KLHL5: variants seen among roughly 807,000 people sequenced by gnomAD.
The protein encoded by KLHL5 is kelch-like protein 5.
KLHL5 carries 48 observed loss-of-function variants against 77.7 expected under a neutral mutation model. The observed-to-expected ratio is 0.62, with a 90% CI of 0.49 to 0.79. The LOEUF (loss-of-function observed/expected upper bound fraction) is 0.79. Among genes scored for constraint, KLHL5 ranks in the 30% least tolerant of loss-of-function variants. KLHL5 has a pLI of 0.00. For synonymous variants in KLHL5, 260 were observed against 297.0 expected, an observed-to-expected ratio of 0.88 and a Z score of 1.28; for missense variants, 723 against 859.7, an observed-to-expected ratio of 0.84 and a Z score of 1.99.
Position 39,115,464 on chromosome 4 carries a change from G to A in KLHL5, c.2073+134G>A, listed in dbSNP as rs541876215. 169 of 1,523,896 alleles carry A rather than the reference G, an allele frequency of 1.1e-4. 1 individual carries two copies. The highest frequency in any genetic ancestry group is 2.1e-4 in the African/African-American group (15 of 71,616). 94.4% of individuals were successfully genotyped at this position (1,523,896 alleles called of 1,614,324 possible). On this transcript the variant is annotated intron_variant, in intron 10 of 10. Coordinates refer to ENST00000504108, the MANE Select transcript of KLHL5 (RefSeq NM_015990.5). ...ATATGACAATCACGTTTTGATTAGC[G>A]ATGAGAAAAAGAGGCAATGTTTAAT...
intron 4 of KLHL5, among the ~76,000 whole-genome samples, chr4:39,086,052 G>A (rs1435089856): frequency 6.6e-6 from 1 of 152,096 alleles, no homozygotes; most frequent in Admixed American, 6.6e-5. Context: ...CACTCTGGAG[G>A]CCATTTCTTA....
At chr4:39,102,860 C>T (rs1014961420) in intron 6 of KLHL5, among the ~76,000 whole-genome samples, 2 of 152,238 alleles carry the variant, frequency 1.3e-5, no homozygotes, top group Non-Finnish European at 2.9e-5. Context: ...GAACCTCCCC[C>T]TGAAGTCATC....
At chr4:39,097,766 G>T (rs1721193814) in intron 6 of KLHL5, among the ~76,000 whole-genome samples, 1 of 152,176 alleles carries the variant, frequency 6.6e-6, no homozygotes. Flanking sequence ...TTCTTTTGCT[G>T]TAAAGGACGT....
the KLHL5 span, among the ~76,000 whole-genome samples, chr4:39,133,520 GC>G: frequency 2.8e-4 from 43 of 150,978 alleles, no homozygotes; most frequent in Admixed American, 2.4e-3. Context: ...ATTGCTTGAG[GC>G]CAGGAGTTCA....
intron 1 of KLHL5, chr4:39,063,543 T>A (rs1337218130): frequency 2.3e-6 from 1 of 434,454 alleles, no homozygotes; most frequent in Non-Finnish European, 4.7e-6. Flanking sequence ...TTCTTATGGT[T>A]ATTTCTCTTT....
Position 39,056,273 on chromosome 4 carries a change from G to A in KLHL5, c.-94-6286G>A, listed in dbSNP as rs116341604. On this transcript the variant is annotated intron_variant, in intron 1 of 11. Transcript: ENST00000261425. ...GAATAGCTGGAACTACACTGCATCC[G>A]ACTAATTTTTGTATTTTTGTAGAGA... Among the ~76,000 whole-genome samples, 614 of 152,194 alleles carry A rather than the reference G, an allele frequency of 4.0e-3. 4 individuals carry two copies. The highest frequency in any genetic ancestry group is 0.014 in the African/African-American group (584 of 41,534).
At chr4:39,096,268 G>T (rs1197662666) in intron 5 of KLHL5, among the ~76,000 whole-genome samples, 1 of 152,076 alleles carries the variant, frequency 6.6e-6, no homozygotes, top group Non-Finnish European at 1.5e-5. Flanking sequence ...GCAGTTGTGA[G>T]CTGAACATCA....
Position 39,062,659 on chromosome 4 carries a change from G to A in KLHL5, c.7G>A (p.Gly3Ser), listed in dbSNP as rs1489725438. 1.9e-6 allele frequency: 3 copies of A among 1,614,008 alleles called. No homozygotes were observed. In the African/African-American group the frequency reaches 4.0e-5, roughly 22 times the overall value. MS[G>S]SRKEFDVKQI... The stretch of plus-strand genomic sequence containing the variant: ...TCACTTGGTTTCTCTGAGGATGTCT[G>A]GTTCTCGTAAAGAGTTTGATGTGAA... The change falls in exon 1 of 11, where the codon GGT becomes AGT. Residue 3 changes from glycine to serine, a missense_variant. Gly to Ser is a moderately conservative substitution (Grantham distance 56). Around this residue, in one of 3 missense-constraint regions of KLHL5, gnomAD observed 221 missense variants for 222.1 expected, o/e 1.00. Transcript: ENST00000504108.
chr4:39,104,262 C>T (rs1465260272), intron 7 of KLHL5, among the ~76,000 whole-genome samples: 1 of 152,070 alleles, frequency 6.6e-6, no homozygotes, highest in East Asian at 1.9e-4. Context: ...GGCAAAGACA[C>T]AGAGAAGGAG....
intron 1 of KLHL5, among the ~76,000 whole-genome samples, chr4:39,069,277 C>A (rs1718183904): frequency 6.6e-6 from 1 of 151,804 alleles, no homozygotes; most frequent in Non-Finnish European, 1.5e-5. Flanking sequence ...CCCTAGGTAG[C>A]CATGTCTCCA....
chr4:39,080,753 A>C (rs570524565), intron 2 of KLHL5, among the ~76,000 whole-genome samples: 1 of 152,114 alleles, frequency 6.6e-6, no homozygotes, highest in Non-Finnish European at 1.5e-5. Context: ...CTATAATTAA[A>C]TTTTTTTAAA....
In KLHL5 at chr4:39,081,847, G is replaced by A. The variant is rs1719645784; in HGVS notation, c.704-116G>A. On this transcript the variant is annotated intron_variant, in intron 3 of 10. Coordinates refer to ENST00000504108, the MANE Select transcript of KLHL5 (RefSeq NM_015990.5). The surrounding 1 kb of genome is among the most constrained non-coding windows in gnomAD (Gnocchi z 4.3). ...TTTTTGGGATGTCTTAAACCATGTAGGTCTGTAATGCATGTAATGAGCTCT... is the reference window on the plus strand; with the variant it reads ...TTTTTGGGATGTCTTAAACCATGTAAGTCTGTAATGCATGTAATGAGCTCT... 3.0e-6 allele frequency: 2 copies of A among 665,712 alleles called. No individual in the cohort carries two copies. Among genetic ancestry groups the A allele is most frequent in the African/African-American group, 3.7e-5 (2 of 54,694 alleles). The allele number at this position is 665,712 out of a possible 1,614,324, so 41.2% of individuals were successfully genotyped here.
chr4:39,103,974 C>CA (rs35801364), intron 7 of KLHL5, among the ~76,000 whole-genome samples: 5,931 of 93,198 alleles, frequency 0.064, 315 homozygotes, highest in African/African-American at 0.098. Flanking sequence ...ACATCTATCT[C>CA]AAAAAAAAAA....
chr4:39,142,550 A>T, the KLHL5 span, among the ~76,000 whole-genome samples: 1 of 152,164 alleles, frequency 6.6e-6, no homozygotes, highest in South Asian at 2.1e-4. Flanking sequence ...TCATCCTATG[A>T]TCCAGCAAGG....
chr4:39,138,577 G>A, the KLHL5 span, among the ~76,000 whole-genome samples: 2 of 152,076 alleles, frequency 1.3e-5, no homozygotes, highest in Admixed American at 1.3e-4. Context: ...ACATAGAGGG[G>A]AACAACATAC....
chr4:39,088,041 C>G (rs1213000108), intron 5 of KLHL5, among the ~76,000 whole-genome samples: 1 of 152,112 alleles, frequency 6.6e-6, no homozygotes, highest in Non-Finnish European at 1.5e-5. Context: ...AAATGTTTCT[C>G]TTGAAATCAG....
intron 1 of KLHL5, among the ~76,000 whole-genome samples, chr4:39,054,022 G>T (rs1716841997): frequency 6.6e-6 from 1 of 152,150 alleles, no homozygotes; most frequent in Admixed American, 6.6e-5. Flanking sequence ...TCTTATTTAA[G>T]AAATCATGTG....
intron 1 of KLHL5, among the ~76,000 whole-genome samples, chr4:39,074,957 A>G (rs1212706674): frequency 6.6e-6 from 1 of 152,194 alleles, no homozygotes; most frequent in Non-Finnish European, 1.5e-5. Context: ...GAGGGTGAGG[A>G]GGAAAGAACT....
At chr4:39,120,871 A>G in intron 10 of KLHL5, 139 bp from the exon 11 acceptor site, 1 of 646,432 alleles carries the variant, frequency 1.5e-6, no homozygotes. Flanking sequence ...ACCAGGCCAG[A>G]AACAGCGCTG....
Sources: gnomAD v4.1 joint callset for allele counts (sites outside exome capture counted in the v4.1 genomes callset) on GRCh38, gnomAD v4.1.1 for gene constraint, gnomAD v4.1.1 regional missense constraint, Gnocchi (gnomAD v3.1) non-coding constraint, MANE v1.5 for transcripts, NCBI Gene and HGNC (gene_info 2026-07-23, HGNC 2026-07-21) for gene names.